Variants in GMDS observed in about 807,000 individuals in gnomAD.
GMDS encodes the protein GDP-mannose 4,6-dehydratase, also known as GDP-mannose 4,6 dehydratase.
A neutral mutation model predicts 49.9 loss-of-function variants in GMDS; 20 were observed. That is an observed-to-expected ratio of 0.40 (90% CI 0.28 to 0.58). The LOEUF (loss-of-function observed/expected upper bound fraction) is 0.58, where lower values mean the gene tolerates loss of function less well. Among genes scored for constraint, GMDS ranks in the 20% least tolerant of loss-of-function variants. The pLI, the probability that GMDS is intolerant of heterozygous loss-of-function variation, is 0.42. For synonymous variants in GMDS, 177 were observed against 178.6 expected (o/e 0.99, Z 0.07); for missense variants, 362 against 481.4 (o/e 0.75, Z 2.32).
chr6:1,804,306 G>A (rs1770075368), intron 7 of GMDS, among the ~76,000 whole-genome samples: 1 of 152,230 alleles, frequency 6.6e-6, no homozygotes, highest in South Asian at 2.1e-4. Context: ...CACCAGCTTG[G>A]TTCTAAAGAG....
intron 4 of GMDS, among the ~76,000 whole-genome samples, chr6:2,016,579 A>G (rs1370410145): frequency 6.6e-6 from 1 of 152,208 alleles, no homozygotes; most frequent in Non-Finnish European, 1.5e-5. Context: ...ACTATCAACT[A>G]ACTTGAACTA....
rs546665262 is a variant in GMDS, at chr6:2,085,497, C to T, written c.345+30274G>A. Among the ~76,000 whole-genome samples, 6 of 152,242 alleles carry T rather than the reference C, an allele frequency of 3.9e-5. No individual in the cohort carries two copies. In the East Asian group the frequency reaches 1.2e-3, roughly 29 times the overall value. The stretch of plus-strand genomic sequence containing the variant: ...ATGCACTTCCTTCCAGTTTCTCTGA[C>T]TTTTTTGCACATCAGTCTCCTCGGA... On this transcript the variant is annotated intron_variant, in intron 4 of 10. Coordinates refer to ENST00000380815, the MANE Select transcript of GMDS (RefSeq NM_001500.4).
intron 7 of GMDS, among the ~76,000 whole-genome samples, chr6:1,848,585 A>G (rs1473070357): frequency 6.6e-6 from 1 of 152,234 alleles, no homozygotes. Context: ...CCATGTGCCC[A>G]GCAGAATGCT....
intron 9 of GMDS, among the ~76,000 whole-genome samples, chr6:1,720,835 G>C (rs761321666): frequency 6.6e-6 from 1 of 152,148 alleles, no homozygotes; most frequent in Admixed American, 6.5e-5. Flanking sequence ...GGATGGACTG[G>C]CTTCTAACAG....
chr6:2,098,040 G>C (rs981953277), intron 4 of GMDS, among the ~76,000 whole-genome samples: 2 of 150,734 alleles, frequency 1.3e-5, no homozygotes, highest in African/African-American at 4.9e-5. Flanking sequence ...GGGACAATAA[G>C]AAAATTACAC....
At position 1,895,865 on chromosome 6, in the gene GMDS, C is replaced by T. The variant is rs75437075; in HGVS notation, c.771+34238G>A. On this transcript the variant is annotated intron_variant, in intron 7 of 10. Coordinates refer to ENST00000380815, the MANE Select transcript of GMDS (RefSeq NM_001500.4). ...GCTGACCTAAGTTTAAAACATAAAG[C>T]GGTGAAATATGCCATCAGCTTCTTC... Among the ~76,000 whole-genome samples the T allele has an allele frequency of 8.4e-3, 1,281 of 152,166 alleles. 18 individuals are homozygous for T. Among genetic ancestry groups the T allele is most frequent in the African/African-American group, 0.029 (1,198 of 41,500 alleles).
chr6:2,057,702 A>C (rs1770860460), intron 4 of GMDS, among the ~76,000 whole-genome samples: 1 of 152,220 alleles, frequency 6.6e-6, no homozygotes, highest in South Asian at 2.1e-4. Context: ...GCAGGGAGGT[A>C]TGGAGAAATA....
intron 1 of GMDS, among the ~76,000 whole-genome samples, chr6:2,216,769 T>C (rs1298575541): frequency 6.6e-6 from 1 of 152,186 alleles, no homozygotes; most frequent in Non-Finnish European, 1.5e-5. Context: ...CATAGCCCTT[T>C]GTGCTATCCC....
At chr6:1,877,649 A>T (rs1303900029) in intron 7 of GMDS, among the ~76,000 whole-genome samples, 1 of 150,080 alleles carries the variant, frequency 6.7e-6, no homozygotes, top group African/African-American at 2.4e-5. Flanking sequence ...AAAATTAAAA[A>T]AAAAAAAAAA....
intron 9 of GMDS, among the ~76,000 whole-genome samples, chr6:1,720,078 T>C (rs1245561465): frequency 6.6e-6 from 1 of 152,218 alleles, no homozygotes; most frequent in Admixed American, 6.5e-5. Context: ...TACATAGCTA[T>C]GTATAGCCAT....
chr6:2,142,593 G>GAACC (rs1776356970), intron 1 of GMDS, among the ~76,000 whole-genome samples: 1 of 152,090 alleles, frequency 6.6e-6, no homozygotes, highest in African/African-American at 2.4e-5. Flanking sequence ...CCCTCAGAAG[G>GAACC]AACCAACCCT....
chr6:1,910,634 G>A (rs144033470), intron 7 of GMDS, among the ~76,000 whole-genome samples: 2 of 152,264 alleles, frequency 1.3e-5, no homozygotes, highest in African/African-American at 4.8e-5. Flanking sequence ...AAGAGGCTGA[G>A]GACCCAACAT....
intron 7 of GMDS, among the ~76,000 whole-genome samples, chr6:1,902,418 G>A (rs1658129304): frequency 6.6e-6 from 1 of 152,104 alleles, no homozygotes; most frequent in South Asian, 2.1e-4. Context: ...CTAGATTACT[G>A]ACTAAAATAA....
chr6:2,243,821 T>C (rs867994189), intron 1 of GMDS, among the ~76,000 whole-genome samples: 3 of 149,258 alleles, frequency 2.0e-5, no homozygotes, highest in Non-Finnish European at 3.0e-5. Flanking sequence ...ACTGTGCATC[T>C]GGCCAATTTC....
chr6:1,906,819 C>G (rs149676319), intron 7 of GMDS, among the ~76,000 whole-genome samples: 3 of 152,178 alleles, frequency 2.0e-5, no homozygotes, highest in South Asian at 2.1e-4. Flanking sequence ...CTGTTCCCAA[C>G]GGTCCCAGGC....
intron 9 of GMDS, among the ~76,000 whole-genome samples, chr6:1,696,402 G>A (rs1369843568): frequency 2.0e-5 from 3 of 152,212 alleles, no homozygotes; most frequent in Non-Finnish European, 2.9e-5. Context: ...TTTTCCTCCT[G>A]AGAATTTTCT....
intron 4 of GMDS, among the ~76,000 whole-genome samples, chr6:2,076,457 A>ATCCTAAG: frequency 6.6e-6 from 1 of 152,324 alleles, no homozygotes; most frequent in Non-Finnish European, 1.5e-5. Context: ...TGCCAAGCCA[A>ATCCTAAG]TCCTAAGCCA....
chr6:2,239,426 C>G (rs926070964), intron 1 of GMDS, among the ~76,000 whole-genome samples: 9 of 151,840 alleles, frequency 5.9e-5, no homozygotes, highest in African/African-American at 1.9e-4. Context: ...CTCTATTGTA[C>G]ACATAATAAG....
intron 2 of GMDS, among the ~76,000 whole-genome samples, chr6:2,120,308 G>A (rs1229558093): frequency 6.6e-6 from 1 of 152,046 alleles, no homozygotes; most frequent in African/African-American, 2.4e-5. Flanking sequence ...CCAACACTCA[G>A]TATAGTTTCA....
Sources: allele counts gnomAD v4.1 joint callset (sites outside exome capture counted in the v4.1 genomes callset), GRCh38; gene constraint gnomAD v4.1.1; transcripts MANE v1.5; gene names NCBI Gene and HGNC (gene_info 2026-07-23, HGNC 2026-07-21).